CACNA1D: variants seen among roughly 807,000 people sequenced by gnomAD.
The protein encoded by CACNA1D is voltage-dependent L-type calcium channel subunit alpha-1D.
In CACNA1D, 55 loss-of-function variants were observed where a neutral mutation model predicts 257.1. The observed-to-expected ratio is 0.21, with a 90% CI of 0.17 to 0.27. CACNA1D has a LOEUF of 0.27. Among genes scored for constraint, CACNA1D ranks in the 10% least tolerant of loss-of-function variants. The pLI, the probability that CACNA1D is intolerant of heterozygous loss-of-function variation, is 1.00. For synonymous variants in CACNA1D, 980 were observed against 1,014.9 expected, an observed-to-expected ratio of 0.97 and a Z score of 0.65; for missense variants, 1,876 against 2,784.0, an observed-to-expected ratio of 0.67 and a Z score of 7.34.
intron 3 of CACNA1D, among the ~76,000 whole-genome samples, chr3:53,646,770 G>T (rs1192956481): frequency 4.6e-5 from 7 of 152,230 alleles, no homozygotes; most frequent in Non-Finnish European, 8.8e-5. Context: ...AGCTCTGTGA[G>T]GACAGGGTTC....
At chr3:53,688,128 A>G (rs953379458) in intron 8 of CACNA1D, among the ~76,000 whole-genome samples, 4 of 152,238 alleles carry the variant, frequency 2.6e-5, no homozygotes, top group African/African-American at 7.2e-5. Context: ...TGACTAGTAC[A>G]TGAGCACTCA....
At chr3:53,603,302 G>C (rs995477540) in intron 3 of CACNA1D, among the ~76,000 whole-genome samples, 54 of 152,228 alleles carry the variant, frequency 3.5e-4, no homozygotes, top group Non-Finnish European at 6.0e-4. Flanking sequence ...CAGAGTGATT[G>C]AAAGCCTGAG....
chr3:53,808,861 C>T (rs1246250735), intron 46 of CACNA1D, 91 bp downstream of exon 46: 1 of 1,347,650 alleles, frequency 7.4e-7, no homozygotes, highest in Admixed American at 1.7e-5. Context: ...GCCTTAAGCA[C>T]CAGGAGGGAA....
chr3:53,568,152 C>T (rs1247662824), intron 3 of CACNA1D, among the ~76,000 whole-genome samples: 1 of 152,166 alleles, frequency 6.6e-6, no homozygotes, highest in Non-Finnish European at 1.5e-5. Flanking sequence ...GCATTGCATA[C>T]TGTCTTGGTA....
chr3:53,539,854 C>T (rs547203059), intron 3 of CACNA1D, among the ~76,000 whole-genome samples: 4 of 152,352 alleles, frequency 2.6e-5, no homozygotes, highest in Admixed American at 1.3e-4. Context: ...AGGTTAAACA[C>T]TTCTCCATAT....
At chr3:53,572,297 G>A (rs1039644868) in intron 3 of CACNA1D, among the ~76,000 whole-genome samples, 1 of 151,936 alleles carries the variant, frequency 6.6e-6, no homozygotes, top group Non-Finnish European at 1.5e-5. Context: ...AGAATGTCTT[G>A]GATTTCTTTT....
At chr3:53,564,333 G>A (rs1249241931) in intron 3 of CACNA1D, among the ~76,000 whole-genome samples, 1 of 152,100 alleles carries the variant, frequency 6.6e-6, no homozygotes, top group East Asian at 1.9e-4. Context: ...GCTAATTTTT[G>A]TATTTTTAGT....
chr3:53,804,723 C>A (rs140939828), intron 44 of CACNA1D, among the ~76,000 whole-genome samples: 1 of 152,184 alleles, frequency 6.6e-6, no homozygotes, highest in Non-Finnish European at 1.5e-5. Context: ...GCCTGGCTCA[C>A]AGGACATCTG....
intron 8 of CACNA1D, among the ~76,000 whole-genome samples, chr3:53,692,132 C>T (rs1163187349): frequency 6.6e-6 from 1 of 150,572 alleles, no homozygotes; most frequent in Non-Finnish European, 1.5e-5. Context: ...TGATTTTTAT[C>T]GAGCAACTAC....
intron 5 of CACNA1D, among the ~76,000 whole-genome samples, chr3:53,663,249 C>T (rs142084449): frequency 5.3e-5 from 8 of 152,258 alleles, no homozygotes; most frequent in Non-Finnish European, 1.0e-4. Flanking sequence ...TTCTGGTTTC[C>T]GATGTAAGCA....
At chr3:53,662,328 A>G (rs369015342) in intron 5 of CACNA1D, among the ~76,000 whole-genome samples, 2 of 152,268 alleles carry the variant, frequency 1.3e-5, no homozygotes, top group East Asian at 3.9e-4. Context: ...AGGAACCGAG[A>G]ACCCACCCTG....
chr3:53,621,033 A>T (rs748664369), intron 3 of CACNA1D, among the ~76,000 whole-genome samples: 10 of 152,198 alleles, frequency 6.6e-5, no homozygotes, highest in Non-Finnish European at 1.0e-4. Context: ...AAAACCTCAG[A>T]CACAGCCTGA....
chr3:53,730,481 A>G lies in CACNA1D; in HGVS notation c.2261A>G (p.Asn754Ser), dbSNP rs1316050748. Reference protein sequence around the residue: ...LNVFLAIAVDNLADAESLNTA... With the variant: ...LNVFLAIAVDSLADAESLNTA... ...GTCTTCTTGGCCATCGCTGTAGACA[A>G]TTTGGCTGATGCTGAAAGTCTGAAC... The change falls in exon 16 of 48, where the codon AAT becomes AGT. Residue 754 changes from asparagine to serine, a missense_variant. By Grantham distance (46) the Asn-to-Ser change is conservative. Coordinates refer to ENST00000350061, the MANE Select transcript of CACNA1D (RefSeq NM_001128840.3). 3 of 1,614,034 alleles carry G rather than the reference A, an allele frequency of 1.9e-6. No individual in the cohort carries two copies. The highest frequency in any genetic ancestry group is 2.2e-5 in the East Asian group (1 of 44,906).
At chr3:53,656,417 A>C (rs1224559810) in intron 4 of CACNA1D, among the ~76,000 whole-genome samples, 2 of 152,176 alleles carry the variant, frequency 1.3e-5, no homozygotes, top group African/African-American at 4.8e-5. Context: ...TGAGCATGGT[A>C]TGTTTTTCCA....
chr3:53,565,940 C>A (rs1318568769), intron 3 of CACNA1D, among the ~76,000 whole-genome samples: 1 of 152,184 alleles, frequency 6.6e-6, no homozygotes, highest in Non-Finnish European at 1.5e-5. Flanking sequence ...AGTACACCCA[C>A]CTATTGAGGC....
intron 3 of CACNA1D, among the ~76,000 whole-genome samples, chr3:53,620,447 C>G (rs1226445526): frequency 1.3e-5 from 2 of 152,144 alleles, no homozygotes; most frequent in African/African-American, 2.4e-5. Context: ...CACCAACACA[C>G]CTGGCTATAT....
chr3:53,674,441 CTT>C (rs922037373), intron 8 of CACNA1D, among the ~76,000 whole-genome samples: 7 of 152,226 alleles, frequency 4.6e-5, no homozygotes, highest in Non-Finnish European at 8.8e-5. Context: ...TGATGATCGA[CTT>C]TTGTGCACAC....
At chr3:53,505,998 C>T (rs761175903) in intron 3 of CACNA1D, among the ~76,000 whole-genome samples, 5 of 152,170 alleles carry the variant, frequency 3.3e-5, no homozygotes, top group Non-Finnish European at 7.3e-5. Flanking sequence ...TGCATGGTCA[C>T]GTAGTTCGGC....
At chr3:53,615,382 C>T (rs993603411) in intron 3 of CACNA1D, among the ~76,000 whole-genome samples, 5 of 152,204 alleles carry the variant, frequency 3.3e-5, no homozygotes, top group African/African-American at 7.2e-5. Flanking sequence ...AGAAGCAACC[C>T]GGTTGCCCTG....
Sources: gnomAD v4.1 joint callset for allele counts (sites outside exome capture counted in the v4.1 genomes callset) on GRCh38, gnomAD v4.1.1 for gene constraint, MANE v1.5 for transcripts, NCBI Gene and HGNC (gene_info 2026-07-23, HGNC 2026-07-21) for gene names.